The following UPF1 variants were observed in gnomAD, a reference collection of about 807,000 sequenced individuals.
UPF1 encodes UPF1 RNA helicase and ATPase.
In UPF1, 9 loss-of-function variants were observed where a neutral mutation model predicts 129.2. The observed-to-expected ratio is 0.07, with a 90% CI of 0.04 to 0.12. The LOEUF is 0.12. UPF1 is among the 10% of genes least tolerant of loss of function. The pLI is 1.00. For missense variants in UPF1, 788 were observed against 1,525.3 expected, an observed-to-expected ratio of 0.52 and a Z score of 8.05; for synonymous variants, 649 against 644.9, an observed-to-expected ratio of 1.01 and a Z score of -0.10.
In UPF1 at chr19:18,853,208, G is replaced by A. The variant is rs148849114; in HGVS notation, c.1058-44G>A. 16 of 1,599,466 alleles carry A rather than the reference G, an allele frequency of 1.0e-5. No homozygotes were observed. Among genetic ancestry groups the A allele is most frequent in the East Asian group, 2.2e-5 (1 of 44,618 alleles). On this transcript the variant is annotated intron_variant, in intron 7 of 23. Coordinates refer to ENST00000262803, the MANE Select transcript of UPF1 (RefSeq NM_002911.4). The surrounding 1 kb of genome is among the most constrained non-coding windows in gnomAD (Gnocchi z 4.4). ...TTGAACTCTCCCTGGTGGAAGCGAC[G>A]GCGTGGGTTAAAATGGCCACCTCTC...
intron 1 of UPF1, among the ~76,000 whole-genome samples, chr19:18,835,990 A>C (rs771115195): frequency 6.6e-6 from 1 of 152,208 alleles, no homozygotes; most frequent in Non-Finnish European, 1.5e-5. Context: ...GGGATGGGAA[A>C]GTGGCAGCAG....
intron 18 of UPF1, chr19:18,862,977 C>T (rs2055797754): frequency 6.3e-6 from 1 of 158,742 alleles, no homozygotes; most frequent in Non-Finnish European, 1.4e-5. Flanking sequence ...TCCTCTAGGT[C>T]ACCATGGCTT....
chr19:18,832,539 C>T lies in UPF1; in HGVS notation c.231+99C>T, dbSNP rs2055439107. On this transcript the variant is annotated intron_variant, in intron 1 of 23. Transcript: ENST00000262803. The surrounding 1 kb of genome is among the most constrained non-coding windows in gnomAD (Gnocchi z 5.6). ...GGCCCGGCCTGTGTTTGGCCGGAGT[C>T]CCCCATCGCGGCCGGGCCTGGGGCG... The T allele has an allele frequency of 7.9e-6, 7 of 888,996 alleles. No homozygotes were observed. The highest frequency in any genetic ancestry group is 5.1e-5 in the South Asian group (1 of 19,514). The allele number at this position is 888,996 out of a possible 1,614,324, so 55.1% of individuals were successfully genotyped here. A position where few individuals can be genotyped will look rare whatever the true frequency, so the allele number is the denominator to read the frequency against.
chr19:18,868,096 C>T lies in UPF1; in HGVS notation c.*1579C>T, dbSNP rs949746016. ...TGGGCCGCTTTGCCTCTGCTTCGCC[C>T]TGTGCTGTGTTCTCCAGCTTTGTAG... is the stretch of plus-strand genomic sequence containing the variant. On this transcript the variant is annotated 3_prime_UTR_variant, in exon 24 of 24. Coordinates refer to ENST00000262803, the MANE Select transcript of UPF1 (RefSeq NM_002911.4). 2 of 172,140 alleles carry T rather than the reference C, an allele frequency of 1.2e-5. No individual in the cohort carries two copies. Among genetic ancestry groups the T allele is most frequent in the East Asian group, 3.1e-4 (2 of 6,500 alleles). The allele number at this position is 172,140 out of a possible 1,614,324, so 10.7% of individuals were successfully genotyped here.
intron 1 of UPF1, among the ~76,000 whole-genome samples, chr19:18,843,512 T>TTG (rs2055563021): frequency 8.1e-6 from 1 of 124,204 alleles, no homozygotes; most frequent in Admixed American, 1.0e-4. Context: ...TGAAGTGACT[T>TTG]TCTTTGTTTT....
At chr19:18,836,123 A>G (rs949593455) in intron 1 of UPF1, among the ~76,000 whole-genome samples, 2 of 152,224 alleles carry the variant, frequency 1.3e-5, no homozygotes, top group African/African-American at 4.8e-5. Flanking sequence ...AGTATTGCCA[A>G]GTGTCCTTAA....
chr19:18,840,689 G>A (rs979252550), intron 1 of UPF1, among the ~76,000 whole-genome samples: 4 of 152,208 alleles, frequency 2.6e-5, no homozygotes, highest in East Asian at 1.9e-4. Flanking sequence ...TCGGGGCTCC[G>A]GAGGGTTCAT....
intron 1 of UPF1, among the ~76,000 whole-genome samples, chr19:18,844,294 G>T (rs1051505709): frequency 6.7e-6 from 1 of 149,858 alleles, no homozygotes; most frequent in Non-Finnish European, 1.5e-5. Context: ...GCTTTTTTTG[G>T]GGGCCGGGGG....
At chr19:18,846,217 T>C (rs892291888) in intron 2 of UPF1, 98 bp downstream of exon 2, 2 of 1,533,618 alleles carry the variant, frequency 1.3e-6, no homozygotes, top group Non-Finnish European at 1.8e-6. Context: ...GGTGGCGCCC[T>C]TGTGCTGTGA....
chr19:18,850,099 G>A lies in UPF1; in HGVS notation c.486G>A (p.Arg162=), dbSNP rs1239513415. The change falls in exon 4 of 24, where the codon AGG becomes AGA. Residue 162 remains arginine, a synonymous_variant. Coordinates refer to ENST00000262803, the MANE Select transcript of UPF1 (RefSeq NM_002911.4). This position sits in a 1 kb window ranked among gnomAD's most constrained non-coding sequence, Gnocchi z 7.1. The part of the protein sequence containing the change: ...SGSHIVNHLV[R]AKCKEVTLHK... ...GCCACATTGTAAATCACCTTGTGAGGGCAAAATGCAAAGAGGTGACCCTGC... is the reference window on the plus strand; with the variant it reads ...GCCACATTGTAAATCACCTTGTGAGAGCAAAATGCAAAGAGGTGACCCTGC... 2 of 1,614,098 alleles carry A rather than the reference G, an allele frequency of 1.2e-6. No homozygotes were observed. Among genetic ancestry groups the A allele is most frequent in the African/African-American group, 1.3e-5 (1 of 74,936 alleles).
In UPF1 at chr19:18,857,476, A is replaced by G; in HGVS notation, c.2125A>G (p.Ser709Gly). 1 of 1,613,956 alleles carries G rather than the reference A, an allele frequency of 6.2e-7. No homozygotes were observed. Among genetic ancestry groups the G allele is most frequent in the South Asian group, 1.1e-5 (1 of 91,088 alleles). The change falls in exon 15 of 24, where the codon AGC (serine) becomes GGC (glycine). Residue 709 changes from serine to glycine, a missense_variant. Ser to Gly is a moderately conservative substitution (Grantham distance 56). Coordinates refer to ENST00000262803, the MANE Select transcript of UPF1 (RefSeq NM_002911.4). ...CCAGTACCGGATGCACCCTGCACTC[A>G]GCGCCTTCCCATCCAACATCTTCTA... ...QVQYRMHPAL[S>G]AFPSNIFYEG...
intron 3 of UPF1, chr19:18,849,046 G>C (rs534372508): frequency 1.3e-5 from 2 of 152,350 alleles, no homozygotes; most frequent in Admixed American, 6.5e-5. Context: ...GGAAGCAGCC[G>C]CTGGCCCTTA....
In UPF1 at chr19:18,841,391, C is replaced by T. The variant is rs575945441; in HGVS notation, c.232-4589C>T. ...ATGCATTTCTAGAAGCAGAAAAGGG[C>T]GCCTGTCCTGAATAGCTGCAGCGCC... On this transcript the variant is annotated intron_variant, in intron 1 of 23. Transcript: ENST00000262803. 7.2e-5 allele frequency among the ~76,000 whole-genome samples: 11 copies of T among 152,288 alleles called. No homozygotes were observed. In the East Asian group the frequency reaches 7.7e-4, roughly 11 times the overall value.
In UPF1 at chr19:18,863,630, A is replaced by C. The variant is rs745549209; in HGVS notation, c.2775+18A>C. ...TCAACCCGGTGAGCGCCTGCACAGGACAGCAGGGCAGCACGGAGAAACCCG... is the reference window on the plus strand; with the variant it reads ...TCAACCCGGTGAGCGCCTGCACAGGCCAGCAGGGCAGCACGGAGAAACCCG... On this transcript the variant is annotated intron_variant, in intron 19 of 23. Transcript: ENST00000262803. 1 of 1,605,134 alleles carries C rather than the reference A, an allele frequency of 6.2e-7. No individual in the cohort carries two copies. Among genetic ancestry groups the C allele is most frequent in the South Asian group, 1.1e-5 (1 of 90,912 alleles).
intron 1 of UPF1, among the ~76,000 whole-genome samples, chr19:18,838,324 G>T (rs190103816): frequency 1.3e-5 from 2 of 152,106 alleles, no homozygotes; most frequent in South Asian, 4.1e-4. Context: ...TCCAGCCTGG[G>T]TGACAGAGTG....
Position 18,860,842 on chromosome 19 carries a change from G to A in UPF1, c.2317G>A (p.Val773Met), listed in dbSNP as rs751669711. 1.9e-6 allele frequency: 3 copies of A among 1,612,484 alleles called. No individual in the cohort carries two copies. Among genetic ancestry groups the A allele is most frequent in the Non-Finnish European group, 2.5e-6 (3 of 1,179,674 alleles). ...SYLNRTEAANVEKITTKLLKA... is the reference protein window; with the variant it reads ...SYLNRTEAANMEKITTKLLKA... ...GTTTCTTAGGACCGAGGCTGCGAAC[G>A]TGGAGAAGATCACCACGAAGTTGCT... is the stretch of plus-strand genomic sequence containing the variant. The change falls in exon 17 of 24, where the codon GTG becomes ATG. Residue 773 changes from valine (V) to methionine (M), a missense_variant. Around this residue, in one of 6 missense-constraint regions of UPF1, gnomAD observed 140 missense variants for 385.9 expected, o/e 0.36. Coordinates refer to ENST00000262803, the MANE Select transcript of UPF1 (RefSeq NM_002911.4).
chr19:18,833,532 C>T (rs1373599926), intron 1 of UPF1, among the ~76,000 whole-genome samples: 2 of 151,586 alleles, frequency 1.3e-5, no homozygotes, highest in African/African-American at 4.9e-5. Flanking sequence ...ATTTCCTGGT[C>T]CTGGGCGCTG....
At chr19:18,845,643 C>A (rs1334310425) in intron 1 of UPF1, among the ~76,000 whole-genome samples, 1 of 152,132 alleles carries the variant, frequency 6.6e-6, no homozygotes, top group African/African-American at 2.4e-5. Context: ...GGGCACACTG[C>A]TGTCAGTCTG....
At chr19:18,861,272 A>G (rs544377504) in intron 17 of UPF1, among the ~76,000 whole-genome samples, 1 of 152,380 alleles carries the variant, frequency 6.6e-6, no homozygotes, top group East Asian at 1.9e-4. Flanking sequence ...AACAAGTCCA[A>G]GGTGGAACGG....
Sources: gnomAD v4.1 joint callset for allele counts (sites outside exome capture counted in the v4.1 genomes callset) on GRCh38, gnomAD v4.1.1 for gene constraint, gnomAD v4.1.1 regional missense constraint, Gnocchi (gnomAD v3.1) non-coding constraint, MANE v1.5 for transcripts, NCBI Gene and HGNC (gene_info 2026-07-23, HGNC 2026-07-21) for gene names.